ALDH1A2: variants seen among roughly 807,000 people sequenced by gnomAD.
ALDH1A2 encodes the protein retinal dehydrogenase 2.
Under a neutral mutation model 60.3 loss-of-function variants are expected in ALDH1A2, and 27 were observed. That is an observed-to-expected ratio of 0.45 (90% CI 0.33 to 0.62). ALDH1A2 has a LOEUF of 0.62. Among genes scored for constraint, ALDH1A2 ranks in the 20% least tolerant of loss-of-function variants. ALDH1A2 has a pLI of 0.02. For missense variants in ALDH1A2, 581 were observed against 643.8 expected (o/e 0.90, Z 1.06); for synonymous variants, 289 against 232.4 (o/e 1.24, Z -2.21).
intron 1 of ALDH1A2, among the ~76,000 whole-genome samples, chr15:58,018,925 G>A (rs1218722755): frequency 6.6e-6 from 1 of 152,070 alleles, no homozygotes; most frequent in Non-Finnish European, 1.5e-5. Context: ...TGTAACCATG[G>A]ATTCTCTGAT....
At chr15:57,979,129 G>A (rs1894388160) in intron 7 of ALDH1A2, among the ~76,000 whole-genome samples, 3 of 152,076 alleles carry the variant, frequency 2.0e-5, no homozygotes, top group Non-Finnish European at 2.9e-5. Flanking sequence ...TTTCCCCACT[G>A]GGCCCTGAGG....
chr15:57,973,299 A>C (rs1894132613), intron 7 of ALDH1A2, among the ~76,000 whole-genome samples: 1 of 152,232 alleles, frequency 6.6e-6, no homozygotes, highest in Non-Finnish European at 1.5e-5. Context: ...GCATAAGGAG[A>C]AATTAATCCC....
chr15:58,026,240 A>G (rs572186428), intron 1 of ALDH1A2, among the ~76,000 whole-genome samples: 1 of 152,356 alleles, frequency 6.6e-6, no homozygotes, highest in South Asian at 2.1e-4. Context: ...ATGATAAAGT[A>G]GGATTTTTAC....
At chr15:57,987,918 GC>G (rs1271100742) in intron 7 of ALDH1A2, among the ~76,000 whole-genome samples, 1 of 148,070 alleles carries the variant, frequency 6.8e-6, no homozygotes, top group Non-Finnish European at 1.5e-5. Flanking sequence ...ACAAAATGAA[GC>G]CATTTTTTAG....
intron 1 of ALDH1A2, among the ~76,000 whole-genome samples, chr15:58,025,979 G>T (rs1261917093): frequency 6.6e-6 from 1 of 152,152 alleles, no homozygotes; most frequent in Non-Finnish European, 1.5e-5. Context: ...CCTCCCACCA[G>T]GCTCCACCTC....
At chr15:57,961,582 A>T (rs1301423154) in intron 10 of ALDH1A2, among the ~76,000 whole-genome samples, 1 of 152,134 alleles carries the variant, frequency 6.6e-6, no homozygotes, top group East Asian at 1.9e-4. Flanking sequence ...ATCCTCCGTG[A>T]TCCTGCAAAC....
At chr15:57,982,650 G>C (rs1049813922) in intron 7 of ALDH1A2, among the ~76,000 whole-genome samples, 3 of 152,138 alleles carry the variant, frequency 2.0e-5, no homozygotes, top group Non-Finnish European at 4.4e-5. Context: ...ATCATTTACT[G>C]TTCAGCTTGG....
intron 1 of ALDH1A2, among the ~76,000 whole-genome samples, chr15:58,040,123 G>T (rs1290796407): frequency 1.3e-5 from 2 of 151,932 alleles, no homozygotes; most frequent in African/African-American, 4.8e-5. Context: ...TAAAATATCA[G>T]AGAGGCAATT....
chr15:58,017,289 G>A (rs1332787125), intron 1 of ALDH1A2, among the ~76,000 whole-genome samples: 1 of 152,066 alleles, frequency 6.6e-6, no homozygotes, highest in Non-Finnish European at 1.5e-5. Flanking sequence ...AGTATTTGTT[G>A]ATAAAATTTA....
At chr15:58,060,688 C>T (rs1897012737) in intron 1 of ALDH1A2, among the ~76,000 whole-genome samples, 1 of 152,078 alleles carries the variant, frequency 6.6e-6, no homozygotes, top group Admixed American at 6.6e-5. Flanking sequence ...TGTGGCTCTG[C>T]CATTATAGTC....
At position 57,967,565 on chromosome 15, in the gene ALDH1A2, A is replaced by G. The variant is rs768706472; in HGVS notation, c.799-1738T>C. On this transcript the variant is annotated intron_variant, in intron 7 of 12. Transcript: ENST00000249750. ...CTCCAACTTCCCCTCAGTCTCCAAT[A>G]TCACTCATTAACTGTAACTCTGCCT... Among the ~76,000 whole-genome samples, 10 of 152,120 alleles carry G rather than the reference A, an allele frequency of 6.6e-5. 1 individual carries two copies. Among genetic ancestry groups the G allele is most frequent in the Non-Finnish European group, 1.3e-4 (9 of 68,014 alleles).
intron 1 of ALDH1A2, among the ~76,000 whole-genome samples, chr15:58,043,698 C>G (rs554921034): frequency 3.9e-5 from 6 of 152,076 alleles, no homozygotes; most frequent in Admixed American, 3.3e-4. Flanking sequence ...CAAGTCATCA[C>G]CAAGAACAGC....
chr15:58,047,902 T>C (rs758260375), intron 1 of ALDH1A2, among the ~76,000 whole-genome samples: 44 of 152,042 alleles, frequency 2.9e-4, no homozygotes, highest in Admixed American at 3.9e-4. Flanking sequence ...TTAAAGTCAA[T>C]GTTTTGATAT....
intron 1 of ALDH1A2, among the ~76,000 whole-genome samples, chr15:58,025,666 G>C (rs1002151892): frequency 2.0e-5 from 3 of 152,178 alleles, no homozygotes; most frequent in Admixed American, 6.5e-5. Context: ...TTGCCGTAAA[G>C]GAATACCTGA....
At chr15:57,981,532 A>G (rs1488905165) in intron 7 of ALDH1A2, among the ~76,000 whole-genome samples, 1 of 152,218 alleles carries the variant, frequency 6.6e-6, no homozygotes, top group East Asian at 1.9e-4. Context: ...TGGAACTTTC[A>G]AATACATTAT....
rs1307866333 is a variant in ALDH1A2 at position 58,004,945 on chromosome 15, A to G, written c.493+5704T>C. Among the ~76,000 whole-genome samples the G allele has an allele frequency of 2.0e-5, 3 of 151,620 alleles. No homozygotes were observed. The East Asian group carries it at 5.8e-4, about 30-fold the overall frequency. On this transcript the variant is annotated intron_variant, in intron 4 of 12. Transcript: ENST00000249750. ...TAGAAGACTCAATATTGTTAAAATGACCATACTTTCCAAAGCAATATACAG... is the reference window on the plus strand; with the variant it reads ...TAGAAGACTCAATATTGTTAAAATGGCCATACTTTCCAAAGCAATATACAG...
chr15:58,044,181 A>G (rs1282835167), intron 1 of ALDH1A2, among the ~76,000 whole-genome samples: 1 of 151,902 alleles, frequency 6.6e-6, no homozygotes, highest in African/African-American at 2.4e-5. Flanking sequence ...GGATACATGT[A>G]TAGAATGTGT....
chr15:57,954,429 A>ATAAC lies in ALDH1A2; in HGVS notation c.*764_*767dup, dbSNP rs1205097620. On this transcript the variant is annotated 3_prime_UTR_variant, in exon 13 of 13. Coordinates refer to ENST00000249750, the MANE Select transcript of ALDH1A2 (RefSeq NM_003888.4). Reference sequence around the variant, plus strand: ...AACCCACTCCTTGCCTTATTCCAGAATAACTGAGAAGGAATCTAATACACA... The same window carrying ATAAC: ...AACCCACTCCTTGCCTTATTCCAGAATAACTAACTGAGAAGGAATCTAATACACA... 1 of 152,866 alleles carries ATAAC rather than the reference A, an allele frequency of 6.5e-6. No individual in the cohort carries two copies. The highest frequency in any genetic ancestry group is 1.5e-5 in the Non-Finnish European group (1 of 68,110). The allele number at this position is 152,866 out of a possible 1,614,324, so 9.5% of individuals were successfully genotyped here.
chr15:57,992,660 C>T, intron 7 of ALDH1A2, 45 bp downstream of exon 7: 1 of 1,565,594 alleles, frequency 6.4e-7, no homozygotes. Context: ...CCCCTCAACT[C>T]ATTTGCAAGA....
Sources: allele counts gnomAD v4.1 joint callset (sites outside exome capture counted in the v4.1 genomes callset), GRCh38; gene constraint gnomAD v4.1.1; transcripts MANE v1.5; gene names NCBI Gene and HGNC (gene_info 2026-07-23, HGNC 2026-07-21).